SALL2: variants seen among roughly 807,000 people sequenced by gnomAD.
The protein encoded by SALL2 is sal-like protein 2.
SALL2 carries 32 observed loss-of-function variants against 58.5 expected under a neutral mutation model. The observed-to-expected ratio is 0.55, with a 90% confidence interval of 0.41 to 0.74. The LOEUF is 0.74. SALL2 is among the 30% of genes least tolerant of loss of function. SALL2 has a pLI of 0.00. For synonymous variants in SALL2, 516 were observed against 513.6 expected, an observed-to-expected ratio of 1.00 and a Z score of -0.06; for missense variants, 1,201 against 1,268.9, an observed-to-expected ratio of 0.95 and a Z score of 0.81.
rs1421257466 is a variant in SALL2 at position 21,525,455 on chromosome 14, G to A, written c.267C>T (p.Val89=). 3.1e-6 allele frequency: 5 copies of A among 1,613,788 alleles called. No homozygotes were observed. The African/African-American group carries it at 5.3e-5, about 17-fold the overall frequency. Residue 89 remains valine, a synonymous_variant, in exon 2 of 2, where the codon GTC becomes GTT. Transcript: ENST00000537235. The surrounding 1 kb of genome is among the most constrained non-coding windows in gnomAD (Gnocchi z 4.4). ...GGGGGTTGCTATGCTCTGTGTCCAT[G>A]ACCTGAGGATTATTGTGACCCTCAG... ...PRPEGHNNPQ[V]MDTEHSNPPD... is the part of the protein sequence containing the mutation.
At position 21,522,322 on chromosome 14, in the gene SALL2, A is replaced by T. The variant is rs1892070091; in HGVS notation, c.*382T>A. 2 of 1,476,786 alleles carry T rather than the reference A, an allele frequency of 1.4e-6. No individual in the cohort carries two copies. Among genetic ancestry groups the T allele is most frequent in the Middle Eastern group, 2.1e-4 (1 of 4,826 alleles). The allele number at this position is 1,476,786 out of a possible 1,614,324, so 91.5% of individuals were successfully genotyped here. A position where few individuals can be genotyped will look rare whatever the true frequency, so the allele number is the denominator to read the frequency against. ...AGGAGTGGCACTGGGCCCTCCAGAG[A>T]CAGCTGCCAGCCCTTTTTGGCTAGG... On this transcript the variant is annotated 3_prime_UTR_variant, in exon 2 of 2. Transcript: ENST00000537235.
intron 1 of SALL2, among the ~76,000 whole-genome samples, chr14:21,533,895 T>C (rs983434064): frequency 1.3e-5 from 2 of 152,164 alleles, no homozygotes; most frequent in Admixed American, 6.5e-5. Flanking sequence ...ACTGACTAAA[T>C]GTCTTCTGAT....
At chr14:21,528,046 G>A (rs1892369476), upstream of SALL2, among the ~76,000 whole-genome samples, 1 of 151,818 alleles carries the variant, frequency 6.6e-6, no homozygotes, top group African/African-American at 2.4e-5. Flanking sequence ...GCTGAGCCAG[G>A]AGAATGGCTT....
chr14:21,527,855 TA>T (rs879410623), upstream of SALL2, among the ~76,000 whole-genome samples: 719 of 138,706 alleles, frequency 5.2e-3, no homozygotes, highest in Middle Eastern at 0.011. Flanking sequence ...CCCATTACTT[TA>T]AAAAAAAAAA....
Position 21,523,202 on chromosome 14 carries a change from T to C in SALL2, c.2520A>G (p.Pro840=). Residue 840 remains proline (P), a synonymous_variant, in exon 2 of 2, where the codon CCA becomes CCG. Transcript: ENST00000537235. This position sits in a 1 kb window ranked among gnomAD's most constrained non-coding sequence, Gnocchi z 4.4. ...GCTGAGGCTGATCCAGGCTGTCAGG[T>C]GGTGGTGGTGGTGGCAAAGAAGACT... ...TQQSSLPPPP[P]PDSLDQPQPM... 1.2e-6 allele frequency: 2 copies of C among 1,613,320 alleles called. No individual in the cohort carries two copies. The highest frequency in any genetic ancestry group is 1.7e-5 in the Admixed American group (1 of 59,998).
chr14:21,522,199 A>C lies in SALL2; in HGVS notation c.*505T>G. 6.3e-7 allele frequency: 1 copy of C among 1,597,458 alleles called. No homozygotes were observed. Among genetic ancestry groups the C allele is most frequent in the Non-Finnish European group, 8.5e-7 (1 of 1,179,464 alleles). ...GTAGTGGAGGTGGAGCTGGAATTCC[A>C]GGGCTTCATGGGCAGGCCATTTGAC... On this transcript the variant is annotated 3_prime_UTR_variant, in exon 2 of 2. Transcript: ENST00000537235.
intron 1 of SALL2, among the ~76,000 whole-genome samples, chr14:21,535,130 G>C (rs1892560076): frequency 6.6e-6 from 1 of 152,104 alleles, no homozygotes; most frequent in Admixed American, 6.5e-5. Flanking sequence ...CAGATTACGA[G>C]ATCAGGAGAT....
In SALL2 at chr14:21,525,080, C is replaced by G; in HGVS notation, c.642G>C (p.Thr214=). ...CTGAGGGACTGGCAGGGGCACCCAC[C>G]GTCTGGCCTAAGGAGCCAAGCAACA... ...QVLLLGSLGQ[T]VGAPASPSEL... is the part of the protein sequence containing the mutation. Residue 214 remains threonine (T), a synonymous_variant, in exon 2 of 2, where the codon ACG becomes ACC. Coordinates refer to ENST00000537235, the MANE Select transcript of SALL2 (RefSeq NM_001364564.1). The surrounding 1 kb of genome is among the most constrained non-coding windows in gnomAD (Gnocchi z 4.4). 6.2e-7 allele frequency: 1 copy of G among 1,614,108 alleles called. No individual in the cohort carries two copies. The highest frequency in any genetic ancestry group is 1.3e-5 in the African/African-American group (1 of 75,036).
chr14:21,524,399 A>G lies in SALL2; in HGVS notation c.1323T>C (p.Tyr441=). Residue 441 remains tyrosine, a synonymous_variant, in exon 2 of 2, where the codon TAT becomes TAC. Coordinates refer to ENST00000537235, the MANE Select transcript of SALL2 (RefSeq NM_001364564.1). The part of the protein sequence containing the change: ...NPHPVPEHLD[Y]VITSSGLPYG... The stretch of plus-strand genomic sequence containing the variant: ...AAGGCAAGCCACTGCTGGTAATGAC[A>G]TAGTCTAGGTGCTCTGGTACTGGGT... 1 of 1,614,176 alleles carries G rather than the reference A, an allele frequency of 6.2e-7. No individual in the cohort carries two copies. The highest frequency in any genetic ancestry group is 8.5e-7 in the Non-Finnish European group (1 of 1,180,032).
At position 21,524,390 on chromosome 14, in the gene SALL2, G is replaced by A. The variant is rs1594460128; in HGVS notation, c.1332C>T (p.Thr444=). Residue 444 remains threonine, a synonymous_variant, in exon 2 of 2, where the codon ACC becomes ACT. Transcript: ENST00000537235. ...ACATACCATAAGGCAAGCCACTGCT[G>A]GTAATGACATAGTCTAGGTGCTCTG... The part of the protein sequence containing the change: ...PVPEHLDYVI[T]SSGLPYGMSV... 4.3e-6 allele frequency: 7 copies of A among 1,614,208 alleles called. No individual in the cohort carries two copies. Among genetic ancestry groups the A allele is most frequent in the Non-Finnish European group, 5.9e-6 (7 of 1,180,044 alleles).
Position 21,524,136 on chromosome 14 carries a change from C to G in SALL2, c.1586G>C (p.Ser529Thr), listed in dbSNP as rs1419894405. 7 of 1,613,070 alleles carry G rather than the reference C, an allele frequency of 4.3e-6. No individual in the cohort carries two copies. Among genetic ancestry groups the G allele is most frequent in the Non-Finnish European group, 5.9e-6 (7 of 1,179,402 alleles). The change falls in exon 2 of 2, where the codon AGT becomes ACT. Residue 529 changes from serine (S) to threonine (T), a missense_variant. Physicochemically the swap from Ser to Thr is moderately conservative, Grantham distance 58. Transcript: ENST00000537235. The part of the protein sequence containing the change: ...NKADENTPPG[S>T]EGSAISGVAE... The stretch of plus-strand genomic sequence containing the variant: ...CACTCCACTGATGGCTGAGCCCTCA[C>G]TCCCTGGGGGGGTGTTTTCATCAGC...
At position 21,524,145 on chromosome 14, in the gene SALL2, G is replaced by C. The variant is rs1246248884; in HGVS notation, c.1577C>G (p.Pro526Arg). The change falls in exon 2 of 2, where the codon CCC becomes CGC. Residue 526 changes from proline (P) to arginine (R), a missense_variant. By Grantham distance (103) the Pro-to-Arg change is moderately radical (BLOSUM62 -2). This residue lies in a region of SALL2 where 675 missense variants were observed against 683.8 expected (regional missense o/e 0.99). Transcript: ENST00000537235. ...GATGGCTGAGCCCTCACTCCCTGGG[G>C]GGGTGTTTTCATCAGCTTTATTCTT... ...EPKNKADENT[P>R]PGSEGSAISG... 2 of 1,612,864 alleles carry C rather than the reference G, an allele frequency of 1.2e-6. No individual in the cohort carries two copies. The highest frequency in any genetic ancestry group is 1.7e-6 in the Non-Finnish European group (2 of 1,179,364).
rs866725912 is a variant in SALL2, at chr14:21,521,359, A to G, written c.*1345T>C. The G allele has an allele frequency of 2.8e-4, 42 of 152,428 alleles. No individual in the cohort carries two copies. Among genetic ancestry groups the G allele is most frequent in the African/African-American group, 1.0e-3 (42 of 41,560 alleles). The allele number at this position is 152,428 out of a possible 1,614,324, so 9.4% of individuals were successfully genotyped here. ...AGTCTGGGACTCTTAAGAACCAGAC[A>G]ATGACAAAGACACAAGCCCCAGCCT... is the stretch of plus-strand genomic sequence containing the variant. On this transcript the variant is annotated 3_prime_UTR_variant, in exon 2 of 2. Transcript: ENST00000537235.
chr14:21,535,331 C>G (rs1230542234), intron 1 of SALL2, among the ~76,000 whole-genome samples: 1 of 139,282 alleles, frequency 7.2e-6, no homozygotes, highest in East Asian at 2.0e-4. Context: ...GGCGACAGAG[C>G]GAGACTCTCT....
Position 21,522,329 on chromosome 14 carries a change from C to T in SALL2, c.*375G>A. Reference sequence around the variant, plus strand: ...GCACTGGGCCCTCCAGAGACAGCTGCCAGCCCTTTTTGGCTAGGCTGCAAT... The same window carrying T: ...GCACTGGGCCCTCCAGAGACAGCTGTCAGCCCTTTTTGGCTAGGCTGCAAT... On this transcript the variant is annotated 3_prime_UTR_variant, in exon 2 of 2. Coordinates refer to ENST00000537235, the MANE Select transcript of SALL2 (RefSeq NM_001364564.1). 6.8e-7 allele frequency: 1 copy of T among 1,467,252 alleles called. No homozygotes were observed. Among genetic ancestry groups the T allele is most frequent in the Non-Finnish European group, 9.0e-7 (1 of 1,110,962 alleles). The allele number at this position is 1,467,252 out of a possible 1,614,324, so 90.9% of individuals were successfully genotyped here. A position where few individuals can be genotyped will look rare whatever the true frequency, so the allele number is the denominator to read the frequency against.
chr14:21,529,888 T>C (rs913288606), upstream of SALL2, among the ~76,000 whole-genome samples: 17 of 152,172 alleles, frequency 1.1e-4, no homozygotes, highest in African/African-American at 4.1e-4. Context: ...GGCATTAGTT[T>C]GATAAAGCTC....
At chr14:21,528,031 G>A (rs1199968081), upstream of SALL2, among the ~76,000 whole-genome samples, 1 of 151,838 alleles carries the variant, frequency 6.6e-6, no homozygotes, top group Non-Finnish European at 1.5e-5. Flanking sequence ...CCAGCTACTG[G>A]GGCAGCTGAG....
At chr14:21,533,853 G>A (rs189468633) in intron 1 of SALL2, among the ~76,000 whole-genome samples, 1 of 152,266 alleles carries the variant, frequency 6.6e-6, no homozygotes, top group Admixed American at 6.5e-5. Flanking sequence ...GAAGGCAAAA[G>A]ACTCCTGGAA....
In SALL2 at chr14:21,522,707, T is replaced by A. The variant is rs751182587; in HGVS notation, c.3015A>T (p.Pro1005=). The A allele has an allele frequency of 6.6e-7, 1 of 1,517,962 alleles. No homozygotes were observed. Among genetic ancestry groups the A allele is most frequent in the East Asian group, 2.3e-5 (1 of 43,930 alleles). The allele number at this position is 1,517,962 out of a possible 1,614,324, so 94.0% of individuals were successfully genotyped here. A position where few individuals can be genotyped will look rare whatever the true frequency, so the allele number is the denominator to read the frequency against. Residue 1005 remains proline (P), a synonymous_variant, in exon 2 of 2, where the codon CCA becomes CCT. Coordinates refer to ENST00000537235, the MANE Select transcript of SALL2 (RefSeq NM_001364564.1). ...CAGCAGGTACAGAAAAACAGGCTCATGGGATCGTGGGGTCATCTTTTCGGG... is the reference window on the plus strand; with the variant it reads ...CAGCAGGTACAGAAAAACAGGCTCAAGGGATCGTGGGGTCATCTTTTCGGG... ...PFPRKDDPTI[P]
Sources: allele counts gnomAD v4.1 joint callset (sites outside exome capture counted in the v4.1 genomes callset), GRCh38; gene constraint gnomAD v4.1.1; regional missense constraint gnomAD v4.1.1; non-coding constraint Gnocchi (gnomAD v3.1); transcripts MANE v1.5; gene names NCBI Gene and HGNC (gene_info 2026-07-23, HGNC 2026-07-21).